The following VAV2 variants were observed in gnomAD, a reference collection of about 807,000 sequenced individuals.
VAV2 encodes guanine nucleotide exchange factor VAV2.
In VAV2, 67 loss-of-function variants were observed where a neutral mutation model predicts 132.5. The observed-to-expected ratio is 0.51, with a 90% CI of 0.42 to 0.62. VAV2 has a LOEUF of 0.62. VAV2 is among the 20% of genes least tolerant of loss of function. The probability of loss-of-function intolerance (pLI) is 0.00; values close to 1 mark genes in which losing one functional copy is unlikely to be tolerated. For missense variants in VAV2, 938 were observed against 1,153.6 expected (o/e 0.81, Z 2.71); for synonymous variants, 492 against 443.5 (o/e 1.11, Z -1.37).
chr9:133,852,255 A>T (rs780758520), intron 3 of VAV2, among the ~76,000 whole-genome samples: 21 of 151,316 alleles, frequency 1.4e-4, no homozygotes, highest in Admixed American at 3.3e-4. Context: ...GATGGGTTGT[A>T]GGGTACCTGG....
chr9:133,962,881 G>C (rs1037771218), intron 1 of VAV2, among the ~76,000 whole-genome samples: 20 of 152,118 alleles, frequency 1.3e-4, no homozygotes. Flanking sequence ...GTTTTCCCCA[G>C]ACCTCTGACC....
intron 13 of VAV2, among the ~76,000 whole-genome samples, chr9:133,789,646 G>A (rs12555690): frequency 0.011 from 1,696 of 152,284 alleles, 30 homozygotes; most frequent in Admixed American, 0.045. Context: ...CACAGAGGCC[G>A]CCGCTGTGTG....
intron 2 of VAV2, among the ~76,000 whole-genome samples, chr9:133,899,629 C>T (rs1839359777): frequency 6.6e-6 from 1 of 150,390 alleles, no homozygotes; most frequent in South Asian, 2.1e-4. Context: ...AGGCTGGTCT[C>T]GAACTCCTGA....
intron 1 of VAV2, among the ~76,000 whole-genome samples, chr9:133,940,672 C>CGTGTGTGTGTGTGTGTGTGTGTGT (rs60265901): frequency 4.3e-5 from 6 of 139,238 alleles, no homozygotes; most frequent in Non-Finnish European, 9.6e-5. Flanking sequence ...TGTCCACGTG[C>CGTGTGTGTGTGTGTGTGTGTGTGT]GTGTGTGTGT....
rs1358548095 is a variant in VAV2 at position 133,824,445 on chromosome 9, G to T, written c.449+9827C>A. Reference sequence around the variant, plus strand: ...ACAGACATAGAAGAGACCCAGCCAGGACACTCTTAAAACCCCAGCCCAAAA... The same window carrying T: ...ACAGACATAGAAGAGACCCAGCCAGTACACTCTTAAAACCCCAGCCCAAAA... On this transcript the variant is annotated intron_variant, in intron 4 of 29. Coordinates refer to ENST00000371850, the MANE Select transcript of VAV2 (RefSeq NM_001134398.2). This position sits in a 1 kb window ranked among gnomAD's most constrained non-coding sequence, Gnocchi z 5.2. Among the ~76,000 whole-genome samples the T allele has an allele frequency of 6.6e-6, 1 of 151,348 alleles. No individual in the cohort carries two copies. The highest frequency in any genetic ancestry group is 1.5e-5 in the Non-Finnish European group (1 of 67,882).
At chr9:133,795,013 G>C (rs1243857589) in intron 12 of VAV2, among the ~76,000 whole-genome samples, 3 of 152,240 alleles carry the variant, frequency 2.0e-5, no homozygotes, top group Non-Finnish European at 2.9e-5. Context: ...AGCCGGGGAA[G>C]TGCAGGGCAC....
intron 2 of VAV2, among the ~76,000 whole-genome samples, chr9:133,888,984 AG>A (rs768196018): frequency 1.3e-5 from 2 of 152,316 alleles, no homozygotes; most frequent in East Asian, 3.9e-4. Flanking sequence ...CGCCCCTGCC[AG>A]GGGGGCAGGG....
chr9:133,796,564 G>T, intron 10 of VAV2, 40 bp from the exon 11 acceptor site: 2 of 1,584,466 alleles, frequency 1.3e-6, no homozygotes, highest in South Asian at 1.1e-5. Context: ...CCTCCCCGAG[G>T]AAAGCCTGAA....
rs1486783663 is a variant in VAV2 at position 133,992,110 on chromosome 9, G to A, written c.169C>T (p.Leu57Phe). The A allele has an allele frequency of 1.9e-6, 3 of 1,591,204 alleles. No homozygotes were observed. The highest frequency in any genetic ancestry group is 1.7e-5 in the Admixed American group (1 of 57,976). ...LHNLSPGSID[L>F]KDINFRPQMS... Reference sequence around the variant, plus strand: ...TGCGGCCGGAAGTTGATGTCCTTGAGGTCGATGGAGCCGGGGGAGAGGTTG... The same window carrying A: ...TGCGGCCGGAAGTTGATGTCCTTGAAGTCGATGGAGCCGGGGGAGAGGTTG... The change falls in exon 1 of 30, where the codon CTC becomes TTC. Residue 57 changes from leucine to phenylalanine, a missense_variant. Physicochemically the swap from Leu to Phe is conservative, Grantham distance 22. Coordinates refer to ENST00000371850, the MANE Select transcript of VAV2 (RefSeq NM_001134398.2). This position sits in a 1 kb window ranked among gnomAD's most constrained non-coding sequence, Gnocchi z 5.5.
chr9:133,766,649 A>C (rs939317191), intron 29 of VAV2, among the ~76,000 whole-genome samples: 1 of 151,750 alleles, frequency 6.6e-6, no homozygotes, highest in Non-Finnish European at 1.5e-5. Flanking sequence ...AGACATACCT[A>C]ATGTAAATTA....
chr9:133,983,629 C>T (rs1288473992), intron 1 of VAV2, among the ~76,000 whole-genome samples: 1 of 151,730 alleles, frequency 6.6e-6, no homozygotes, highest in African/African-American at 2.4e-5. Flanking sequence ...GCAATCACAA[C>T]GCTCGGCAGA....
chr9:133,915,304 A>G (rs1412651206), intron 2 of VAV2, among the ~76,000 whole-genome samples: 3 of 151,876 alleles, frequency 2.0e-5, no homozygotes, highest in African/African-American at 4.8e-5. Context: ...TCACGACTAC[A>G]CTTTTTGAAT....
At chr9:133,939,961 G>A (rs1285882618) in intron 1 of VAV2, among the ~76,000 whole-genome samples, 1 of 152,248 alleles carries the variant, frequency 6.6e-6, no homozygotes, top group Non-Finnish European at 1.5e-5. Flanking sequence ...TGCGCCTGAC[G>A]TGCCACAGGG....
At chr9:133,936,462 C>CCCAGACT (rs1840913381) in intron 2 of VAV2, among the ~76,000 whole-genome samples, 1 of 152,076 alleles carries the variant, frequency 6.6e-6, no homozygotes, top group African/African-American at 2.4e-5. Context: ...AGACTGGTTT[C>CCCAGACT]GAACTCCTAA....
chr9:133,763,551 G>A lies in VAV2; in HGVS notation c.*511C>T, dbSNP rs568403343. On this transcript the variant is annotated 3_prime_UTR_variant, in exon 30 of 30. Transcript: ENST00000371850. This position sits in a 1 kb window ranked among gnomAD's most constrained non-coding sequence, Gnocchi z 6.8. ...CAAGTGGGCCCACAGTGAACAGCCTGGCTCTGGTCCCGTCTGCCTCCCGAG... is the reference window on the plus strand; with the variant it reads ...CAAGTGGGCCCACAGTGAACAGCCTAGCTCTGGTCCCGTCTGCCTCCCGAG... 1.4e-4 allele frequency: 23 copies of A among 167,024 alleles called. No homozygotes were observed. The highest frequency in any genetic ancestry group is 2.9e-4 in the Non-Finnish European group (22 of 77,034). The allele number at this position is 167,024 out of a possible 1,614,324, so 10.3% of individuals were successfully genotyped here.
chr9:133,862,273 G>A (rs1257282442), intron 2 of VAV2, among the ~76,000 whole-genome samples: 2 of 152,252 alleles, frequency 1.3e-5, no homozygotes, highest in Non-Finnish European at 2.9e-5. Flanking sequence ...GCCGGAGACA[G>A]AGCAAGAGGC....
At chr9:133,797,026 T>A (rs967590179) in intron 10 of VAV2, among the ~76,000 whole-genome samples, 1 of 152,108 alleles carries the variant, frequency 6.6e-6, no homozygotes, top group Non-Finnish European at 1.5e-5. Context: ...GCATCGTGCA[T>A]CTCTACTGGG....
chr9:133,858,140 G>A (rs966624672), intron 3 of VAV2, among the ~76,000 whole-genome samples: 2 of 152,210 alleles, frequency 1.3e-5, no homozygotes, highest in Admixed American at 6.5e-5. Context: ...CGTAGTGTCT[G>A]CCAGATAGGC....
chr9:133,924,997 T>A (rs405004), intron 2 of VAV2, among the ~76,000 whole-genome samples: 38,360 of 152,114 alleles, frequency 0.25, 5,712 homozygotes, highest in Non-Finnish European at 0.34. Context: ...TCCACTTATA[T>A]GAAATGTCCA....
Sources: allele counts gnomAD v4.1 joint callset (sites outside exome capture counted in the v4.1 genomes callset), GRCh38; gene constraint gnomAD v4.1.1; non-coding constraint Gnocchi (gnomAD v3.1); transcripts MANE v1.5; gene names NCBI Gene and HGNC (gene_info 2026-07-23, HGNC 2026-07-21).